Variants in CNTNAP3 observed in about 807,000 individuals in gnomAD.
CNTNAP3 encodes contactin associated protein family member 3, also known as contactin-associated protein-like 3.
Under a neutral mutation model 92.1 loss-of-function variants are expected in CNTNAP3, and 36 were observed. That is an observed-to-expected ratio of 0.39 (90% CI 0.30 to 0.52). The LOEUF (loss-of-function observed/expected upper bound fraction) is 0.52, where lower values mean the gene tolerates loss of function less well. Ranked by LOEUF, CNTNAP3 falls within the 20% of genes least tolerant of loss-of-function variation. CNTNAP3 has a pLI of 0.76. For missense variants in CNTNAP3, 534 were observed against 1,069.6 expected, an observed-to-expected ratio of 0.50 and a Z score of 6.98; for synonymous variants, 232 against 422.3, an observed-to-expected ratio of 0.55 and a Z score of 5.53.
chr9:39,144,149 GATTGCAAATATGCAGATACAT>G, intron 11 of CNTNAP3, 70 bp downstream of exon 11: 1 of 1,399,286 alleles, frequency 7.1e-7, no homozygotes, highest in African/African-American at 1.5e-5. Context: ...GTGTTTGCAT[GATTGCAAATATGCAGATACAT>G]ATAAACAACT....
At position 39,065,358 on chromosome 9, in the gene CNTNAP3, A is replaced by T. The variant is rs1171313239; in HGVS notation, c.*8532T>A. On this transcript the variant is annotated 3_prime_UTR_variant, in exon 24 of 24. Transcript: ENST00000297668. The stretch of plus-strand genomic sequence containing the variant: ...GTATTTCATTATTAATACAACACAA[A>T]TTGTTTGTCCATTTTCTTGTTGAAG... 6.6e-6 allele frequency among the ~76,000 whole-genome samples: 1 copy of T among 152,262 alleles called. No individual in the cohort carries two copies.
At position 39,109,232 on chromosome 9, in the gene CNTNAP3, C is replaced by G. The variant is rs369844837; in HGVS notation, c.2293G>C (p.Val765Leu). 1.9e-6 allele frequency: 3 copies of G among 1,612,820 alleles called. No individual in the cohort carries two copies. Among genetic ancestry groups the G allele is most frequent in the Middle Eastern group, 3.8e-4 (2 of 5,228 alleles). The stretch of plus-strand genomic sequence containing the variant: ...TGTGGTCGGCCTGCGTCTGTCATCA[C>G]AATCTGAGTGACTGGCAGGTGCTCC... ...QKEHLPVTQI[V>L]MTDAGRPHSE... The change falls in exon 15 of 24, where the codon GTG (valine) becomes CTG (leucine). Residue 765 changes from valine to leucine, a missense_variant. Coordinates refer to ENST00000297668, the MANE Select transcript of CNTNAP3 (RefSeq NM_033655.5).
chr9:39,133,621 G>A (rs1821358801), intron 12 of CNTNAP3, among the ~76,000 whole-genome samples: 2 of 152,120 alleles, frequency 1.3e-5, no homozygotes, highest in African/African-American at 4.8e-5. Context: ...GTTTAATTAT[G>A]TCAGCTTATC....
intron 16 of CNTNAP3, among the ~76,000 whole-genome samples, chr9:39,103,402 G>T (rs2778221): frequency 6.6e-6 from 1 of 152,016 alleles, no homozygotes; most frequent in African/African-American, 2.4e-5. Flanking sequence ...GTCAACATGG[G>T]AAAACCCCAC....
rs182361814 is a variant in CNTNAP3 at position 39,119,485 on chromosome 9, G to A, written c.2081-1226C>T. ...TTTTAAAAATTAATACACTCTTCTC[G>A]GAATGCCACTTTAAAAGTTACCGAC... is the stretch of plus-strand genomic sequence containing the variant. On this transcript the variant is annotated intron_variant, in intron 13 of 23. Coordinates refer to ENST00000297668, the MANE Select transcript of CNTNAP3 (RefSeq NM_033655.5). Among the ~76,000 whole-genome samples the A allele has an allele frequency of 2.6e-3, 396 of 151,964 alleles. 4 individuals carry two copies. The highest frequency in any genetic ancestry group is 0.015 in the Admixed American group (222 of 15,250).
Position 39,073,804 on chromosome 9 carries a change from C to A in CNTNAP3, c.*86G>T, listed in dbSNP as rs1276706695. The A allele has an allele frequency of 6.9e-6, 11 of 1,596,416 alleles. No homozygotes were observed. The highest frequency in any genetic ancestry group is 1.3e-5 in the African/African-American group (1 of 74,890). On this transcript the variant is annotated 3_prime_UTR_variant, in exon 24 of 24. Transcript: ENST00000297668. ...AAGTCCACAGTCACGATGATAGAGA[C>A]AGCCACAGCTGCCAATCAGAAGACT...
At chr9:39,076,753 G>A (rs1441901776) in intron 23 of CNTNAP3, among the ~76,000 whole-genome samples, 1 of 152,306 alleles carries the variant, frequency 6.6e-6, no homozygotes, top group Non-Finnish European at 1.5e-5. Flanking sequence ...TGGATCATGA[G>A]GTCAGGAGAT....
At position 39,117,041 on chromosome 9, in the gene CNTNAP3, G is replaced by A. The variant is rs911264653; in HGVS notation, c.2237+1062C>T. 3.3e-5 allele frequency among the ~76,000 whole-genome samples: 5 copies of A among 151,942 alleles called. 1 individual carries two copies. The highest frequency in any genetic ancestry group is 1.2e-4 in the African/African-American group (5 of 41,356). ...GGAGTCTTGCTCTGTCGCCCAGGCT[G>A]GAGTGCAGTGGCGCGATCTCGGCTC... is the stretch of plus-strand genomic sequence containing the variant. On this transcript the variant is annotated intron_variant, in intron 14 of 23. Coordinates refer to ENST00000297668, the MANE Select transcript of CNTNAP3 (RefSeq NM_033655.5).
chr9:39,123,148 G>A (rs1821075341), intron 13 of CNTNAP3, among the ~76,000 whole-genome samples: 1 of 146,792 alleles, frequency 6.8e-6, no homozygotes, highest in South Asian at 2.1e-4. Flanking sequence ...AGGCTGGAGT[G>A]CAGTGGTGCA....
chr9:39,146,882 C>T (rs1821715909), intron 10 of CNTNAP3, among the ~76,000 whole-genome samples: 1 of 152,130 alleles, frequency 6.6e-6, no homozygotes, highest in South Asian at 2.1e-4. Flanking sequence ...TATGTTTCTA[C>T]TTTGTGAATT....
intron 23 of CNTNAP3, among the ~76,000 whole-genome samples, chr9:39,075,460 G>T: frequency 6.6e-6 from 1 of 151,836 alleles, no homozygotes; most frequent in Non-Finnish European, 1.5e-5. Context: ...GCTTCTGAAG[G>T]TAATCAGAAT....
chr9:39,113,836 CAA>C (rs938457624), intron 14 of CNTNAP3, among the ~76,000 whole-genome samples: 5 of 150,852 alleles, frequency 3.3e-5, no homozygotes, highest in African/African-American at 7.3e-5. Context: ...GCTGCTATAT[CAA>C]GTTTGTTAAT....
At chr9:39,120,966 T>C (rs1369885910) in intron 13 of CNTNAP3, among the ~76,000 whole-genome samples, 1 of 152,076 alleles carries the variant, frequency 6.6e-6, no homozygotes, top group Non-Finnish European at 1.5e-5. Flanking sequence ...AGGACCCAAA[T>C]AGACATAAGG....
At chr9:39,102,376 T>C in intron 17 of CNTNAP3, 121 bp downstream of exon 17, 3 of 1,515,684 alleles carry the variant, frequency 2.0e-6, no homozygotes, top group Non-Finnish European at 2.7e-6. Context: ...TATCAGCAAA[T>C]AGTACCAATA....
At chr9:39,153,848 C>T (rs868293665) in intron 9 of CNTNAP3, among the ~76,000 whole-genome samples, 2 of 143,806 alleles carry the variant, frequency 1.4e-5, no homozygotes, top group Admixed American at 6.8e-5. Flanking sequence ...TGAGAGCCAC[C>T]GCGTCTGGCC....
At chr9:39,132,889 C>CCCGG in intron 13 of CNTNAP3, 43 bp downstream of exon 13, 1 of 1,510,736 alleles carries the variant, frequency 6.6e-7, no homozygotes, top group Non-Finnish European at 8.8e-7. Context: ...AGGGCCGCGC[C>CCCGG]CCGGCCCCGT....
chr9:39,150,110 T>C (rs1410041366), intron 9 of CNTNAP3, 133 bp from the exon 10 acceptor site: 4 of 640,574 alleles, frequency 6.2e-6, no homozygotes, highest in Admixed American at 3.0e-5. Flanking sequence ...CACCATTCAT[T>C]AGAGAGGTGA....
In CNTNAP3 at chr9:39,140,505, G is replaced by C; in HGVS notation, c.1876+14C>G. On this transcript the variant is annotated intron_variant, in intron 12 of 23. Coordinates refer to ENST00000297668, the MANE Select transcript of CNTNAP3 (RefSeq NM_033655.5). ...GTCTATTCTGATATATGCATATAACGATTATCAACATACCTGTCATATTGC... is the reference window on the plus strand; with the variant it reads ...GTCTATTCTGATATATGCATATAACCATTATCAACATACCTGTCATATTGC... The C allele has an allele frequency of 6.2e-7, 1 of 1,612,958 alleles. No homozygotes were observed. Among genetic ancestry groups the C allele is most frequent in the Non-Finnish European group, 8.5e-7 (1 of 1,179,586 alleles).
chr9:39,117,994 A>C (rs1820900340), intron 14 of CNTNAP3, 109 bp downstream of exon 14: 2 of 1,583,594 alleles, frequency 1.3e-6, no homozygotes, highest in South Asian at 2.3e-5. Context: ...AGCTTGCTTG[A>C]ACATACTTTA....
Sources: gnomAD v4.1 joint callset for allele counts (sites outside exome capture counted in the v4.1 genomes callset) on GRCh38, gnomAD v4.1.1 for gene constraint, MANE v1.5 for transcripts, NCBI Gene and HGNC (gene_info 2026-07-23, HGNC 2026-07-21) for gene names.